The following MCTP2 variants were observed in gnomAD, a reference collection of about 807,000 sequenced individuals.
MCTP2 encodes the protein multiple C2 and transmembrane domain-containing protein 2.
In MCTP2, 132 loss-of-function variants were observed where a neutral mutation model predicts 111.6. The observed-to-expected ratio is 1.18, with a 90% CI of 1.03 to 1.37. The LOEUF is 1.37. MCTP2 is among the 40% of genes most tolerant of loss of function. The probability of loss-of-function intolerance (pLI) is 0.00; values close to 1 mark genes in which losing one functional copy is unlikely to be tolerated. For missense variants in MCTP2, 1,183 were observed against 1,067.9 expected (o/e 1.11, Z -1.50); for synonymous variants, 395 against 387.7 (o/e 1.02, Z -0.22).
At chr15:94,430,170 AAT>A (rs889499160) in intron 17 of MCTP2, among the ~76,000 whole-genome samples, 2 of 152,158 alleles carry the variant, frequency 1.3e-5, no homozygotes, top group African/African-American at 2.4e-5. Flanking sequence ...ATTCTTCTTA[AAT>A]ATGAGTCAAA....
intron 2 of MCTP2, among the ~76,000 whole-genome samples, chr15:94,303,131 T>TTATATAGTTTA (rs2075719110): frequency 1.4e-5 from 2 of 142,452 alleles, no homozygotes; most frequent in African/African-American, 2.6e-5. Flanking sequence ...TATATATAGT[T>TTATATAGTTTA]TATATATATA....
chr15:94,345,505 GTGT>G (rs1252297437), intron 8 of MCTP2, among the ~76,000 whole-genome samples: 1 of 152,144 alleles, frequency 6.6e-6, no homozygotes, highest in Non-Finnish European at 1.5e-5. Context: ...ACTAGCATTG[GTGT>G]TGTAGGGGCA....
intron 12 of MCTP2, among the ~76,000 whole-genome samples, chr15:94,379,761 A>T (rs369499315): frequency 1.2e-4 from 18 of 145,268 alleles, no homozygotes; most frequent in African/African-American, 3.5e-4. Flanking sequence ...TAATATATAT[A>T]ATATATGATA....
intron 22 of MCTP2, 141 bp downstream of exon 22, chr15:94,476,934 A>C (rs2152546478): frequency 1.7e-6 from 1 of 580,612 alleles, no homozygotes; most frequent in East Asian, 2.9e-5. Context: ...TGGCTTGCAG[A>C]GAAGTGGCAG....
At chr15:94,467,912 A>AAGAT (rs1381802247) in intron 20 of MCTP2, among the ~76,000 whole-genome samples, 4 of 152,256 alleles carry the variant, frequency 2.6e-5, no homozygotes, top group Admixed American at 6.5e-5. Flanking sequence ...CAGAATAACA[A>AAGAT]AGATAGCATA....
At chr15:94,426,639 T>C (rs2082905871) in intron 17 of MCTP2, among the ~76,000 whole-genome samples, 1 of 152,190 alleles carries the variant, frequency 6.6e-6, no homozygotes, top group African/African-American at 2.4e-5. Flanking sequence ...CTTATGACTG[T>C]AATATCTAAA....
chr15:94,343,597 C>T (rs1199746157), intron 7 of MCTP2: 1 of 152,110 alleles, frequency 6.6e-6, no homozygotes, highest in African/African-American at 2.4e-5. Context: ...GCAAGGCTGA[C>T]AAACATACTC....
rs780084839 is a variant in MCTP2, at chr15:94,358,519, A to T, written c.1208A>T (p.Gln403Leu). ...CKSANPQWQE[Q>L]FDFHYFSDRM... ...AGTGCAAATCCGCAGTGGCAGGAAC[A>T]GTTTGACTTTCACTACTTCTCTGAC... Residue 403 changes from glutamine to leucine, a missense_variant, in exon 10 of 23, where the codon CAG (glutamine) becomes CTG (leucine). Physicochemically the swap from Gln to Leu is moderately radical, Grantham distance 113. Transcript: ENST00000357742. 3 of 1,613,778 alleles carry T rather than the reference A, an allele frequency of 1.9e-6. No individual in the cohort carries two copies. The highest frequency in any genetic ancestry group is 2.5e-6 in the Non-Finnish European group (3 of 1,179,748).
At chr15:94,449,068 T>G (rs950858568) in intron 19 of MCTP2, among the ~76,000 whole-genome samples, 1 of 152,128 alleles carries the variant, frequency 6.6e-6, no homozygotes, top group Admixed American at 6.5e-5. Flanking sequence ...CTGATCTGTT[T>G]TACTGTGACT....
chr15:94,297,752 T>C (rs768500571), intron 1 of MCTP2, among the ~76,000 whole-genome samples: 2 of 152,200 alleles, frequency 1.3e-5, no homozygotes, highest in Admixed American at 6.5e-5. Context: ...CCACCAAGTC[T>C]AAAATATTTA....
At chr15:94,362,651 T>G (rs1328317286) in intron 10 of MCTP2, among the ~76,000 whole-genome samples, 1 of 152,242 alleles carries the variant, frequency 6.6e-6, no homozygotes, top group Non-Finnish European at 1.5e-5. Flanking sequence ...CTCTGAGATT[T>G]ACAGCTTTTA....
At chr15:94,264,887 ACT>A (rs1055079982) in intron 1 of MCTP2, among the ~76,000 whole-genome samples, 23 of 152,298 alleles carry the variant, frequency 1.5e-4, no homozygotes, top group African/African-American at 5.5e-4. Context: ...GAAGATATAA[ACT>A]CTCAATTTGG....
chr15:94,331,530 G>C (rs1251118166), intron 4 of MCTP2, among the ~76,000 whole-genome samples: 2 of 152,172 alleles, frequency 1.3e-5, no homozygotes, highest in African/African-American at 2.4e-5. Context: ...AGAATCCGAA[G>C]ACCCAGGAAG....
intron 2 of MCTP2, among the ~76,000 whole-genome samples, chr15:94,300,231 G>A (rs2075536828): frequency 6.6e-6 from 1 of 152,058 alleles, no homozygotes; most frequent in Non-Finnish European, 1.5e-5. Flanking sequence ...GTCATGGCCG[G>A]GCACGGTGGC....
intron 17 of MCTP2, among the ~76,000 whole-genome samples, chr15:94,410,111 G>T (rs1273015462): frequency 1.3e-5 from 2 of 152,262 alleles, no homozygotes; most frequent in Middle Eastern, 3.4e-3. Context: ...AACATGGAAT[G>T]GGTTACAAGT....
intron 14 of MCTP2, among the ~76,000 whole-genome samples, chr15:94,390,074 A>ATACGTATATATATATG (rs2080812818): frequency 1.2e-4 from 3 of 25,854 alleles, no homozygotes; most frequent in South Asian, 1.1e-3. Context: ...ATATATATAT[A>ATACGTATATATATATG]TATATATATA....
At chr15:94,459,216 G>A (rs1350237490) in intron 20 of MCTP2, among the ~76,000 whole-genome samples, 1 of 152,080 alleles carries the variant, frequency 6.6e-6, no homozygotes, top group Non-Finnish European at 1.5e-5. Context: ...TGTCTACGGG[G>A]ATCATTCTAG....
In MCTP2 at chr15:94,340,220, A is replaced by T; in HGVS notation, c.802A>T (p.Thr268Ser). 1.2e-6 allele frequency: 2 copies of T among 1,612,990 alleles called. No homozygotes were observed. Among genetic ancestry groups the T allele is most frequent in the Middle Eastern group, 1.7e-4 (1 of 6,054 alleles). The change falls in exon 6 of 23, where the codon ACA becomes TCA. Residue 268 changes from threonine to serine, a missense_variant. Transcript: ENST00000357742. Reference protein sequence around the residue: ...RVKVYDRDLTTSDFMGSAFVI... With the variant: ...RVKVYDRDLTSSDFMGSAFVI... ...GTAGGTATATGATCGAGATTTAACC[A>T]CATCTGATTTCATGGGTTCTGCATT... is the stretch of plus-strand genomic sequence containing the variant.
chr15:94,335,663 G>T (rs577612858), intron 4 of MCTP2, among the ~76,000 whole-genome samples: 1 of 152,128 alleles, frequency 6.6e-6, no homozygotes, highest in Non-Finnish European at 1.5e-5. Context: ...AGTATTGTTT[G>T]TACTAGTTAA....
Sources: allele counts gnomAD v4.1 joint callset (sites outside exome capture counted in the v4.1 genomes callset), GRCh38; gene constraint gnomAD v4.1.1; transcripts MANE v1.5; gene names NCBI Gene and HGNC (gene_info 2026-07-23, HGNC 2026-07-21).